PCBP3: variants seen among roughly 807,000 people sequenced by gnomAD.
PCBP3 encodes poly(rC) binding protein 3, also known as poly(rC)-binding protein 3.
PCBP3 carries 25 observed loss-of-function variants against 52.7 expected under a neutral mutation model. The observed-to-expected ratio is 0.47, with a 90% CI of 0.35 to 0.66. The LOEUF (loss-of-function observed/expected upper bound fraction) is 0.66, where lower values mean the gene tolerates loss of function less well. PCBP3 is among the 30% of genes least tolerant of loss of function. The pLI is 0.01. For synonymous variants in PCBP3, 162 were observed against 183.0 expected (o/e 0.89, Z 0.93); for missense variants, 391 against 490.3 (o/e 0.80, Z 1.91).
chr21:45,684,437 G>T (rs770418773), intron 2 of PCBP3, among the ~76,000 whole-genome samples: 2 of 152,272 alleles, frequency 1.3e-5, no homozygotes, highest in East Asian at 1.9e-4. Flanking sequence ...ATATTGAAAT[G>T]TGATCCCCAG....
intron 5 of PCBP3, among the ~76,000 whole-genome samples, chr21:45,895,385 C>T (rs1197981585): frequency 6.6e-6 from 1 of 152,160 alleles, no homozygotes; most frequent in Non-Finnish European, 1.5e-5. Flanking sequence ...GAGCCAGCCC[C>T]CTCGGTGAGG....
Position 45,735,023 on chromosome 21 carries a change from G to A in PCBP3, c.-199-369G>A, listed in dbSNP as rs1418778869. Among the ~76,000 whole-genome samples the A allele has an allele frequency of 1.3e-5, 2 of 152,150 alleles. No homozygotes were observed. The highest frequency in any genetic ancestry group is 1.9e-4 in the East Asian group (1 of 5,194). On this transcript the variant is annotated intron_variant, in intron 2 of 17. Transcript: ENST00000681687. This position sits in a 1 kb window ranked among gnomAD's most constrained non-coding sequence, Gnocchi z 4.0. Reference sequence around the variant, plus strand: ...GACTGTGGGTGTTCTGGGCTGTCCCGTCCCGTATACTCTCCCTGTGTTCTT... The same window carrying A: ...GACTGTGGGTGTTCTGGGCTGTCCCATCCCGTATACTCTCCCTGTGTTCTT...
chr21:45,878,442 G>A (rs972563023), intron 5 of PCBP3, among the ~76,000 whole-genome samples: 1 of 152,250 alleles, frequency 6.6e-6, no homozygotes, highest in Non-Finnish European at 1.5e-5. Flanking sequence ...TTTGAAAAGG[G>A]GATTTCATGA....
Position 45,917,635 on chromosome 21 carries a change from T to C in PCBP3, c.717+6T>C. On this transcript the variant is annotated splice_donor_region_variant and intron_variant, in intron 13 of 17. Coordinates refer to ENST00000681687, the MANE Select transcript of PCBP3 (RefSeq NM_001384156.1). This position sits in a 1 kb window ranked among gnomAD's most constrained non-coding sequence, Gnocchi z 5.3. ...ATGCCATCCCTCACCCGGATGTGAGTCTTCACTTTGTCTTCCTCTCACCTT... is the reference window on the plus strand; with the variant it reads ...ATGCCATCCCTCACCCGGATGTGAGCCTTCACTTTGTCTTCCTCTCACCTT... 1 of 1,610,292 alleles carries C rather than the reference T, an allele frequency of 6.2e-7. No individual in the cohort carries two copies. The highest frequency in any genetic ancestry group is 8.5e-7 in the Non-Finnish European group (1 of 1,176,662).
At chr21:45,884,913 A>G (rs1340326601) in intron 5 of PCBP3, among the ~76,000 whole-genome samples, 1 of 152,218 alleles carries the variant, frequency 6.6e-6, no homozygotes, top group East Asian at 1.9e-4. Flanking sequence ...TTCTGTACAT[A>G]TCAGACAATG....
chr21:45,706,175 C>T (rs1237804810), intron 2 of PCBP3, among the ~76,000 whole-genome samples: 1 of 152,214 alleles, frequency 6.6e-6, no homozygotes, highest in African/African-American at 2.4e-5. Context: ...ACTCTGACTA[C>T]ACATTAGTCA....
chr21:45,902,623 G>A (rs2096089630), intron 9 of PCBP3, among the ~76,000 whole-genome samples: 1 of 152,204 alleles, frequency 6.6e-6, no homozygotes, highest in South Asian at 2.1e-4. Context: ...TCCCCGGATG[G>A]TGGTGAGACC....
At chr21:45,665,498 T>G (rs189484674) in intron 1 of PCBP3, among the ~76,000 whole-genome samples, 122 of 152,328 alleles carry the variant, frequency 8.0e-4, no homozygotes, top group African/African-American at 2.8e-3. Context: ...GAATCATTTA[T>G]AAGAGTCTTT....
chr21:45,710,590 A>G (rs1386066641), intron 2 of PCBP3, among the ~76,000 whole-genome samples: 2 of 152,154 alleles, frequency 1.3e-5, no homozygotes, highest in Non-Finnish European at 2.9e-5. Flanking sequence ...ACACATGCAC[A>G]CGTATGTTTA....
chr21:45,673,567 T>C (rs914917404), intron 2 of PCBP3: 17 of 152,162 alleles, frequency 1.1e-4, no homozygotes, highest in African/African-American at 3.9e-4. Context: ...GCCTTCTTGC[T>C]TTGAATCTTT....
chr21:45,693,951 A>G (rs1011977414), intron 2 of PCBP3, among the ~76,000 whole-genome samples: 1 of 152,098 alleles, frequency 6.6e-6, no homozygotes, highest in African/African-American at 2.4e-5. Context: ...AAAATATATG[A>G]CTCTGTCAGT....
At chr21:45,645,415 A>G (rs2079190294) in intron 1 of PCBP3, among the ~76,000 whole-genome samples, 1 of 152,220 alleles carries the variant, frequency 6.6e-6, no homozygotes, top group Non-Finnish European at 1.5e-5. Context: ...TCTGTCTAGA[A>G]TTCAGGGCTT....
intron 5 of PCBP3, among the ~76,000 whole-genome samples, chr21:45,892,311 G>C (rs958277444): frequency 6.6e-6 from 1 of 152,208 alleles, no homozygotes; most frequent in African/African-American, 2.4e-5. Flanking sequence ...TCCTCTACAA[G>C]GGTCATGAAC....
At chr21:45,824,274 T>G (rs1188014494) in intron 4 of PCBP3, among the ~76,000 whole-genome samples, 1 of 152,212 alleles carries the variant, frequency 6.6e-6, no homozygotes, top group Non-Finnish European at 1.5e-5. Flanking sequence ...CAAGTCCCTT[T>G]CCAGAGCACA....
chr21:45,876,583 G>A (rs900279346), intron 5 of PCBP3, among the ~76,000 whole-genome samples: 3 of 152,216 alleles, frequency 2.0e-5, no homozygotes, highest in Non-Finnish European at 4.4e-5. Flanking sequence ...TGACAGGCAG[G>A]AGCATGAAAT....
intron 13 of PCBP3, chr21:45,919,205 G>A (rs2074050034): frequency 6.6e-6 from 1 of 152,248 alleles, no homozygotes; most frequent in African/African-American, 2.4e-5. Flanking sequence ...GTTCTGAGGA[G>A]GTTTCTCTTC....
chr21:45,796,059 C>T (rs181505012), intron 4 of PCBP3, among the ~76,000 whole-genome samples: 49 of 152,242 alleles, frequency 3.2e-4, no homozygotes, highest in Admixed American at 7.8e-4. Flanking sequence ...TTGAAAACGC[C>T]AGTCAGAGGG....
At chr21:45,844,597 C>T (rs2093766510) in intron 4 of PCBP3, among the ~76,000 whole-genome samples, 1 of 152,080 alleles carries the variant, frequency 6.6e-6, no homozygotes, top group Admixed American at 6.5e-5. Context: ...TGCTCCCTGC[C>T]AATGGTGCTC....
chr21:45,804,210 G>A (rs373752797), intron 4 of PCBP3, among the ~76,000 whole-genome samples: 3 of 152,292 alleles, frequency 2.0e-5, no homozygotes, highest in African/African-American at 7.2e-5. Flanking sequence ...CCTGTGCACC[G>A]GGCTTTGTGC....
Sources: allele counts gnomAD v4.1 joint callset (sites outside exome capture counted in the v4.1 genomes callset), GRCh38; gene constraint gnomAD v4.1.1; non-coding constraint Gnocchi (gnomAD v3.1); transcripts MANE v1.5; gene names NCBI Gene and HGNC (gene_info 2026-07-23, HGNC 2026-07-21).